STK3: variants seen among roughly 807,000 people sequenced by gnomAD.
STK3 encodes serine/threonine-protein kinase 3.
STK3 carries 41 observed loss-of-function variants against 58.0 expected under a neutral mutation model. That is an observed-to-expected ratio of 0.71 (90% CI 0.55 to 0.92). The LOEUF is 0.92. Ranked by LOEUF, STK3 falls within the 40% of genes least tolerant of loss-of-function variation. The pLI, the probability that STK3 is intolerant of heterozygous loss-of-function variation, is 0.00. For missense variants in STK3, 479 were observed against 602.7 expected, an observed-to-expected ratio of 0.79 and a Z score of 2.15; for synonymous variants, 170 against 191.0, an observed-to-expected ratio of 0.89 and a Z score of 0.91.
intron 3 of STK3, among the ~76,000 whole-genome samples, chr8:98,865,329 A>G (rs1371415684): frequency 1.3e-5 from 2 of 152,128 alleles, no homozygotes. Flanking sequence ...CAGCCTCCCA[A>G]CATAAGCAAT....
chr8:98,428,932 TG>T lies in STK3; in HGVS notation n.483+5194del. Reference sequence around the variant, plus strand: ...AGGCACTCCACTGGCCTCCGCTCCCTGGGGGCCACTTTGAAATACAGCTACA... The same window carrying T: ...AGGCACTCCACTGGCCTCCGCTCCCTGGGGCCACTTTGAAATACAGCTACA... On this transcript the variant is annotated intron_variant and non_coding_transcript_variant, in intron 3 of 3. Transcript: ENST00000517832. The surrounding 1 kb of genome is among the most constrained non-coding windows in gnomAD (Gnocchi z 6.7). 6.2e-7 allele frequency: 1 copy of T among 1,614,120 alleles called. No individual in the cohort carries two copies.
chr8:98,565,733 C>A (rs1012538162), intron 8 of STK3, among the ~76,000 whole-genome samples: 1 of 152,128 alleles, frequency 6.6e-6, no homozygotes, highest in African/African-American at 2.4e-5. Context: ...ATAGAAAGAC[C>A]AATTTTGTTA....
At position 98,387,992 on chromosome 8, in the gene STK3, G is replaced by T. The variant is rs188618424; in HGVS notation, n.56+200C>A. On this transcript the variant is annotated intron_variant and non_coding_transcript_variant, in intron 1 of 2. Coordinates refer to the STK3 transcript ENST00000518704. ...AATGACCCAGAAACTACCTGAAGGGGTTCCCATTGATCAAAATGGGACAAT... is the reference window on the plus strand; with the variant it reads ...AATGACCCAGAAACTACCTGAAGGGTTTCCCATTGATCAAAATGGGACAAT... Among the ~76,000 whole-genome samples the T allele has an allele frequency of 1.3e-4, 19 of 151,760 alleles. 1 individual carries two copies. The highest frequency in any genetic ancestry group is 5.8e-4 in the East Asian group (3 of 5,160).
chr8:98,488,984 G>C (rs1171942403), intron 10 of STK3, among the ~76,000 whole-genome samples: 1 of 152,130 alleles, frequency 6.6e-6, no homozygotes, highest in African/African-American at 2.4e-5. Flanking sequence ...TCTCCAACCA[G>C]CTGCCTGAAG....
intron 3 of STK3, among the ~76,000 whole-genome samples, chr8:98,840,025 T>C (rs1835905940): frequency 6.6e-6 from 1 of 152,080 alleles, no homozygotes; most frequent in Admixed American, 6.6e-5. Context: ...AAATGGAAAT[T>C]ATTTTGAAAA....
chr8:98,606,046 G>T (rs1043543814), intron 6 of STK3: 1 of 152,332 alleles, frequency 6.6e-6, no homozygotes, highest in East Asian at 1.9e-4. Flanking sequence ...TGGCCAACAT[G>T]GCAAAACCCC....
chr8:98,511,551 G>A (rs1254978400), intron 10 of STK3, among the ~76,000 whole-genome samples: 1 of 151,948 alleles, frequency 6.6e-6, no homozygotes, highest in African/African-American at 2.4e-5. Context: ...AGTATGAACT[G>A]GTATGTTTCC....
At chr8:98,482,751 G>C (rs535985283) in intron 10 of STK3, among the ~76,000 whole-genome samples, 24 of 152,160 alleles carry the variant, frequency 1.6e-4, no homozygotes, top group Admixed American at 1.6e-3. Context: ...CCTCCATGGT[G>C]AGTCAATTAT....
chr8:98,422,175 C>T (rs1037406144), intron 3 of STK3, among the ~76,000 whole-genome samples: 1 of 152,316 alleles, frequency 6.6e-6, no homozygotes, highest in East Asian at 1.9e-4. Flanking sequence ...AAATTCAGTC[C>T]AGCATCCAGG....
chr8:98,832,210 A>G (rs1835556325), intron 3 of STK3, among the ~76,000 whole-genome samples: 1 of 150,734 alleles, frequency 6.6e-6, no homozygotes, highest in Non-Finnish European at 1.5e-5. Flanking sequence ...GGCTAAGTGT[A>G]CATATTCAAT....
chr8:98,620,499 TAAAA>T (rs1284217451), intron 6 of STK3, among the ~76,000 whole-genome samples: 11 of 136,822 alleles, frequency 8.0e-5, no homozygotes, highest in African/African-American at 2.8e-4. Flanking sequence ...AATAAATAAA[TAAAA>T]AGGTCAACAT....
chr8:98,873,542 A>G (rs1289691526), intron 3 of STK3, among the ~76,000 whole-genome samples: 1 of 152,156 alleles, frequency 6.6e-6, no homozygotes, highest in Non-Finnish European at 1.5e-5. Flanking sequence ...GTGCATATGT[A>G]TTTAGGATAG....
In STK3 at chr8:98,584,301, A is replaced by T. The variant is rs574964002; in HGVS notation, c.823-4512T>A. Among the ~76,000 whole-genome samples, 11 of 127,504 alleles carry T rather than the reference A, an allele frequency of 8.6e-5. No individual in the cohort carries two copies. In the East Asian group the frequency reaches 2.5e-3, roughly 29 times the overall value. The allele number at this position is 127,504 out of a possible 152,430, so 83.6% of individuals were successfully genotyped here. A position where few individuals can be genotyped will look rare whatever the true frequency, so the allele number is the denominator to read the frequency against. On this transcript the variant is annotated intron_variant, in intron 7 of 10. Coordinates refer to ENST00000419617, the MANE Select transcript of STK3 (RefSeq NM_006281.4). Reference sequence around the variant, plus strand: ...GTGTGATGTTCCCCTTCCTGTGTCCATGTGATCTCATTGTTCAATTCCCAC... The same window carrying T: ...GTGTGATGTTCCCCTTCCTGTGTCCTTGTGATCTCATTGTTCAATTCCCAC...
At chr8:98,788,920 A>G (rs1832640378) in intron 1 of STK3, among the ~76,000 whole-genome samples, 1 of 152,206 alleles carries the variant, frequency 6.6e-6, no homozygotes, top group Non-Finnish European at 1.5e-5. Flanking sequence ...GACTTAACAG[A>G]TTATACAGAA....
At chr8:98,472,095 T>C (rs1820966042) in intron 10 of STK3, among the ~76,000 whole-genome samples, 1 of 152,170 alleles carries the variant, frequency 6.6e-6, no homozygotes, top group South Asian at 2.1e-4. Context: ...ATCACCATTT[T>C]TCAGAATTTA....
intron 1 of STK3, among the ~76,000 whole-genome samples, chr8:98,914,192 C>A (rs1839255437): frequency 6.6e-6 from 1 of 152,010 alleles, no homozygotes; most frequent in Middle Eastern, 3.2e-3. Flanking sequence ...TGGCTCACAC[C>A]TGTAACCTCA....
chr8:98,737,302 G>A (rs146559164), intron 4 of STK3, among the ~76,000 whole-genome samples: 20 of 152,210 alleles, frequency 1.3e-4, no homozygotes, highest in Non-Finnish European at 2.4e-4. Flanking sequence ...GCAAGCAAAT[G>A]AGTAAACCAG....
chr8:98,361,383 C>G, the STK3 span, among the ~76,000 whole-genome samples: 6 of 152,120 alleles, frequency 3.9e-5, no homozygotes, highest in African/African-American at 1.4e-4. Flanking sequence ...GGCTCTGGTG[C>G]TGGGCTGATG....
At chr8:98,413,882 G>T in intron 3 of STK3, 1 of 479,280 alleles carries the variant, frequency 2.1e-6, no homozygotes, top group Non-Finnish European at 3.9e-6. Flanking sequence ...GTTTTCGTAG[G>T]CATCCTCCAT....
Sources: allele counts gnomAD v4.1 joint callset (sites outside exome capture counted in the v4.1 genomes callset), GRCh38; gene constraint gnomAD v4.1.1; non-coding constraint Gnocchi (gnomAD v3.1); transcripts MANE v1.5; gene names NCBI Gene and HGNC (gene_info 2026-07-23, HGNC 2026-07-21).